VAMP7: variants seen among roughly 807,000 people sequenced by gnomAD.
The protein encoded by VAMP7 is vesicle associated membrane protein 7.
VAMP7 carries 14 observed loss-of-function variants against 29.6 expected under a neutral mutation model. That is an observed-to-expected ratio of 0.47 (90% CI 0.31 to 0.74). The LOEUF (loss-of-function observed/expected upper bound fraction) is 0.74, where lower values mean the gene tolerates loss of function less well. Among genes scored for constraint, VAMP7 ranks in the 30% least tolerant of loss-of-function variants. The pLI is 0.05. For synonymous variants in VAMP7, 95 were observed against 88.1 expected, an observed-to-expected ratio of 1.08 and a Z score of -0.44; for missense variants, 223 against 262.4, an observed-to-expected ratio of 0.85 and a Z score of 1.04.
intron 6 of VAMP7, among the ~76,000 whole-genome samples, chrX:155,931,507 A>T (rs1255544510): frequency 6.6e-6 from 1 of 152,168 alleles, no homozygotes; most frequent in East Asian, 1.9e-4. Context: ...CATAAATGCC[A>T]TCTTTTGAGA....
At position 155,942,183 on chromosome X, in the gene VAMP7, CTTTT is replaced by C; in HGVS notation, c.*233_*236del. 6.5e-7 allele frequency: 1 copy of C among 1,534,892 alleles called. No individual in the cohort carries two copies. Among genetic ancestry groups the C allele is most frequent in the Non-Finnish European group, 8.8e-7 (1 of 1,139,588 alleles). ...CATTGCAGCAGTAGCCTTAAAAAGG[CTTTT>C]GTTTATTTCTTTGGTTTGTTAACTA... On this transcript the variant is annotated 3_prime_UTR_variant, in exon 8 of 8. Coordinates refer to ENST00000286448, the MANE Select transcript of VAMP7 (RefSeq NM_005638.6).
At chrX:155,898,315 A>T in intron 4 of VAMP7, 66 bp downstream of exon 4, 1 of 1,573,478 alleles carries the variant, frequency 6.4e-7, no homozygotes, top group Non-Finnish European at 8.6e-7. Flanking sequence ...AACACTATGA[A>T]TCTAGGGGGC....
At chrX:155,935,678 T>C (rs1467694809) in intron 6 of VAMP7, among the ~76,000 whole-genome samples, 1 of 152,224 alleles carries the variant, frequency 6.6e-6, no homozygotes, top group East Asian at 1.9e-4. Context: ...AGTTTGATCA[T>C]CTGAAGCCTT....
At chrX:155,933,173 T>C (rs1210479049) in intron 6 of VAMP7, among the ~76,000 whole-genome samples, 1 of 152,194 alleles carries the variant, frequency 6.6e-6, no homozygotes, top group Non-Finnish European at 1.5e-5. Context: ...TCTTTTTGTG[T>C]TGTGTCTCTG....
At chrX:155,895,347 G>A (rs2065973455) in intron 2 of VAMP7, among the ~76,000 whole-genome samples, 1 of 152,162 alleles carries the variant, frequency 6.6e-6, no homozygotes, top group Non-Finnish European at 1.5e-5. Context: ...TGCTTTAAGA[G>A]TCCAATTATG....
At chrX:155,929,935 T>G (rs1158183478) in intron 6 of VAMP7, among the ~76,000 whole-genome samples, 1 of 152,202 alleles carries the variant, frequency 6.6e-6, no homozygotes. Flanking sequence ...TATAATACTC[T>G]GTGAGCACTA....
intron 6 of VAMP7, among the ~76,000 whole-genome samples, chrX:155,924,089 T>C (rs747529887): frequency 6.6e-6 from 1 of 152,312 alleles, no homozygotes; most frequent in South Asian, 2.1e-4. Context: ...TCTTGCTCTT[T>C]GTTTTTTATT....
chrX:155,908,592 G>A (rs1166710457), intron 5 of VAMP7, among the ~76,000 whole-genome samples: 3 of 126,558 alleles, frequency 2.4e-5, no homozygotes, highest in Non-Finnish European at 5.0e-5. Context: ...GAGAGGGAGA[G>A]CCATTTTCTT....
At chrX:155,909,836 C>T (rs1452033668) in intron 5 of VAMP7, among the ~76,000 whole-genome samples, 5 of 151,894 alleles carry the variant, frequency 3.3e-5, no homozygotes, top group Non-Finnish European at 7.4e-5. Flanking sequence ...AATATTTGTA[C>T]ACATTTATGG....
intron 1 of VAMP7, among the ~76,000 whole-genome samples, chrX:155,887,699 C>A (rs1393820927): frequency 1.3e-5 from 2 of 151,956 alleles, no homozygotes. Flanking sequence ...GAGGCCAAGG[C>A]AGGTGGATCA....
intron 2 of VAMP7, among the ~76,000 whole-genome samples, chrX:155,891,352 G>A (rs2065923507): frequency 6.6e-6 from 1 of 152,100 alleles, no homozygotes; most frequent in African/African-American, 2.4e-5. Flanking sequence ...TTCTCTGAGA[G>A]AGGTAGCTCC....
At chrX:155,882,461 A>G (rs1029804736) in intron 1 of VAMP7, among the ~76,000 whole-genome samples, 1 of 152,224 alleles carries the variant, frequency 6.6e-6, no homozygotes, top group African/African-American at 2.4e-5. Context: ...AATAGTTGTA[A>G]TACCAACAGG....
chrX:155,930,360 T>A (rs2066530217), intron 6 of VAMP7, among the ~76,000 whole-genome samples: 1 of 152,072 alleles, frequency 6.6e-6, no homozygotes, highest in Non-Finnish European at 1.5e-5. Flanking sequence ...ATCAAGGCTG[T>A]GCATGGTAGC....
chrX:155,933,781 A>G (rs2066603308), intron 6 of VAMP7, among the ~76,000 whole-genome samples: 1 of 151,944 alleles, frequency 6.6e-6, no homozygotes. Flanking sequence ...AGTTCTTTTA[A>G]TTGTGATGTT....
chrX:155,916,222 A>G (rs373048933), intron 5 of VAMP7, among the ~76,000 whole-genome samples: 31 of 152,090 alleles, frequency 2.0e-4, no homozygotes, highest in African/African-American at 7.0e-4. Context: ...ATAATCCTCT[A>G]TCCCTTTATT....
At chrX:155,922,953 G>A (rs1394347555) in intron 6 of VAMP7, among the ~76,000 whole-genome samples, 1 of 151,868 alleles carries the variant, frequency 6.6e-6, no homozygotes, top group Non-Finnish European at 1.5e-5. Context: ...TCCTTTGTCA[G>A]TTTATTAGCT....
Position 155,908,551 on chromosome X carries a change from G to A in VAMP7, c.433+7964G>A, listed in dbSNP as rs755737320. ...GTGGAAAGAGAGGGAGAGGGAGACC[G>A]TGGGGAGAGTGAGAGGGGGAGGGGG... On this transcript the variant is annotated intron_variant, in intron 5 of 7. Transcript: ENST00000286448. Among the ~76,000 whole-genome samples, 48 of 152,014 alleles carry A rather than the reference G, an allele frequency of 3.2e-4. 1 individual carries two copies. Among genetic ancestry groups the A allele is most frequent in the African/African-American group, 9.6e-4 (40 of 41,478 alleles).
intron 5 of VAMP7, among the ~76,000 whole-genome samples, chrX:155,909,102 C>A (rs965588304): frequency 6.6e-6 from 1 of 152,176 alleles, no homozygotes; most frequent in African/African-American, 2.4e-5. Flanking sequence ...GCTAGGATTA[C>A]AGGCATGAGC....
At chrX:155,883,078 T>C (rs960680084) in intron 1 of VAMP7, among the ~76,000 whole-genome samples, 15 of 152,232 alleles carry the variant, frequency 9.9e-5, no homozygotes, top group African/African-American at 3.6e-4. Flanking sequence ...GTTCTATGGC[T>C]CCCTCAAGTA....
Sources: gnomAD v4.1 joint callset for allele counts (sites outside exome capture counted in the v4.1 genomes callset) on GRCh38, gnomAD v4.1.1 for gene constraint, MANE v1.5 for transcripts, NCBI Gene and HGNC (gene_info 2026-07-23, HGNC 2026-07-21) for gene names.